The following BZW2 variants were observed in gnomAD, a reference collection of about 807,000 sequenced individuals.
The protein encoded by BZW2 is eIF5-mimic protein 1.
Under a neutral mutation model 53.2 loss-of-function variants are expected in BZW2, and 23 were observed. The observed-to-expected ratio is 0.43, with a 90% CI of 0.31 to 0.61. BZW2 has a LOEUF of 0.61. Ranked by LOEUF, BZW2 falls within the 20% of genes least tolerant of loss-of-function variation. BZW2 has a pLI of 0.09. For missense variants in BZW2, 409 were observed against 503.1 expected, an observed-to-expected ratio of 0.81 and a Z score of 1.79; for synonymous variants, 227 against 186.4, an observed-to-expected ratio of 1.22 and a Z score of -1.77.
At chr7:16,704,712 C>T in intron 11 of BZW2, 43 bp downstream of exon 11, 3 of 1,481,020 alleles carry the variant, frequency 2.0e-6, no homozygotes, top group Non-Finnish European at 1.8e-6. Context: ...TAAACACTGT[C>T]TCATTATATG....
intron 11 of BZW2, among the ~76,000 whole-genome samples, chr7:16,705,715 T>C (rs1783832219): frequency 6.7e-6 from 1 of 149,694 alleles, no homozygotes; most frequent in Admixed American, 6.7e-5. Flanking sequence ...ATAAAAAGTT[T>C]ATCTTAGGTG....
At chr7:16,667,238 A>G in intron 2 of BZW2, among the ~76,000 whole-genome samples, 1 of 150,544 alleles carries the variant, frequency 6.6e-6, no homozygotes, top group East Asian at 2.0e-4. Context: ...CCGACATTGC[A>G]CCACTGCACT....
chr7:16,659,170 G>A (rs945895423), intron 1 of BZW2, among the ~76,000 whole-genome samples: 16 of 151,974 alleles, frequency 1.1e-4, no homozygotes, highest in Admixed American at 9.8e-4. Flanking sequence ...CTTTAATGGT[G>A]GACTCTTTAC....
At chr7:16,690,689 C>G (rs2128365983) in intron 7 of BZW2, among the ~76,000 whole-genome samples, 1 of 152,306 alleles carries the variant, frequency 6.6e-6, no homozygotes, top group Middle Eastern at 3.4e-3. Flanking sequence ...AATACTTAAG[C>G]TGTTGCAGAA....
chr7:16,651,956 T>C (rs1177433687), intron 1 of BZW2, among the ~76,000 whole-genome samples: 2 of 152,228 alleles, frequency 1.3e-5, no homozygotes, highest in Non-Finnish European at 2.9e-5. Context: ...TCGAGAATCA[T>C]ATAAATAATT....
chr7:16,700,271 C>A (rs922835608), intron 10 of BZW2, among the ~76,000 whole-genome samples: 7 of 152,168 alleles, frequency 4.6e-5, no homozygotes, highest in African/African-American at 1.7e-4. Context: ...AACATGCAAT[C>A]CCTGAGGAAT....
At chr7:16,651,000 G>A (rs1335692998) in intron 1 of BZW2, among the ~76,000 whole-genome samples, 2 of 152,262 alleles carry the variant, frequency 1.3e-5, no homozygotes, top group African/African-American at 2.4e-5. Context: ...AGCAATAGGT[G>A]TTTCCATTGA....
Position 16,669,749 on chromosome 7 carries a change from T to C in BZW2, c.58+4248T>C, listed in dbSNP as rs531316670. 2.0e-5 allele frequency among the ~76,000 whole-genome samples: 3 copies of C among 152,292 alleles called. No individual in the cohort carries two copies. The South Asian group carries it at 6.2e-4, about 32-fold the overall frequency. On this transcript the variant is annotated intron_variant, in intron 2 of 11. Coordinates refer to ENST00000258761, the MANE Select transcript of BZW2 (RefSeq NM_014038.3). ...ATTTGAGTGTCAGAATTAGGCCCAT[T>C]TCTTCTCTATGTCAGTACAAGGGCT...
At chr7:16,700,680 C>T (rs1440224026) in intron 10 of BZW2, 1 of 152,132 alleles carries the variant, frequency 6.6e-6, no homozygotes, top group Non-Finnish European at 1.5e-5. Flanking sequence ...ATTCAAGAAG[C>T]AACAGATGCT....
At chr7:16,701,040 T>C (rs755083568) in intron 10 of BZW2, among the ~76,000 whole-genome samples, 1 of 152,156 alleles carries the variant, frequency 6.6e-6, no homozygotes, top group Non-Finnish European at 1.5e-5. Flanking sequence ...AATTACTTAA[T>C]TGAATATCAT....
intron 7 of BZW2, among the ~76,000 whole-genome samples, chr7:16,692,377 AAC>A (rs990921098): frequency 6.6e-6 from 1 of 152,204 alleles, no homozygotes; most frequent in African/African-American, 2.4e-5. Context: ...GAACCAAACC[AAC>A]AGACCCTTTC....
At chr7:16,690,778 G>GA (rs1312339387) in intron 7 of BZW2, among the ~76,000 whole-genome samples, 4 of 152,142 alleles carry the variant, frequency 2.6e-5, no homozygotes, top group African/African-American at 9.7e-5. Context: ...AGAAAATCCA[G>GA]AAAAATATTT....
At chr7:16,681,215 C>T in intron 3 of BZW2, 86 bp from the exon 4 acceptor site, 1 of 1,050,182 alleles carries the variant, frequency 9.5e-7, no homozygotes, top group South Asian at 1.5e-5. Context: ...TGATTATTTT[C>T]TTTCATTTGC....
At chr7:16,653,435 C>G (rs1782037203) in intron 1 of BZW2, among the ~76,000 whole-genome samples, 1 of 152,172 alleles carries the variant, frequency 6.6e-6, no homozygotes, top group East Asian at 1.9e-4. Context: ...AGTTTTGTGT[C>G]TGTCTTAAAC....
At chr7:16,694,490 C>T (rs1047111602) in intron 7 of BZW2, among the ~76,000 whole-genome samples, 1 of 151,922 alleles carries the variant, frequency 6.6e-6, no homozygotes, top group Non-Finnish European at 1.5e-5. Flanking sequence ...CCACCAGGTC[C>T]CCTCCCAACA....
intron 7 of BZW2, among the ~76,000 whole-genome samples, chr7:16,693,006 A>G (rs997233364): frequency 6.6e-6 from 1 of 152,184 alleles, no homozygotes. Flanking sequence ...TGAGAGCAAA[A>G]GTGTAGATAA....
At chr7:16,647,513 GT>G (rs1781896990) in intron 1 of BZW2, among the ~76,000 whole-genome samples, 2 of 152,290 alleles carry the variant, frequency 1.3e-5, no homozygotes, top group African/African-American at 2.4e-5. Flanking sequence ...AACTCCAGCT[GT>G]TTTTCCCCCC....
rs190074251 is a variant in BZW2, at chr7:16,702,280, C to T, written c.1109-2267C>T. On this transcript the variant is annotated intron_variant, in intron 10 of 11. Transcript: ENST00000258761. ...AAGTTTAATTTCTTCTTAAACTCTT[C>T]GATGTTCATACTTTGCCTCATATGG... Among the ~76,000 whole-genome samples the T allele has an allele frequency of 3.3e-3, 495 of 152,162 alleles. 7 individuals are homozygous for T. The highest frequency in any genetic ancestry group is 5.6e-4 in the Non-Finnish European group (38 of 67,980).
intron 5 of BZW2, among the ~76,000 whole-genome samples, chr7:16,685,213 T>C (rs1783076373): frequency 6.6e-6 from 1 of 152,216 alleles, no homozygotes; most frequent in South Asian, 2.1e-4. Flanking sequence ...TGCTTTGAGC[T>C]TACATTCAAA....
Sources: gnomAD v4.1 joint callset for allele counts (sites outside exome capture counted in the v4.1 genomes callset) on GRCh38, gnomAD v4.1.1 for gene constraint, MANE v1.5 for transcripts, NCBI Gene and HGNC (gene_info 2026-07-23, HGNC 2026-07-21) for gene names.